Variants in SMYD2 observed in about 807,000 individuals in gnomAD.
SMYD2 encodes SET and MYND domain containing 2, also known as N-lysine methyltransferase SMYD2.
Under a neutral mutation model 59.1 loss-of-function variants are expected in SMYD2, and 53 were observed. The ratio of observed to expected loss-of-function variants is 0.90; its 90% confidence interval spans 0.72 to 1.13. The LOEUF (loss-of-function observed/expected upper bound fraction) is 1.13, where lower values mean the gene tolerates loss of function less well. Ranked by LOEUF, SMYD2 falls within the 50% of genes most tolerant of loss-of-function variation. SMYD2 has a pLI of 0.00. For synonymous variants in SMYD2, 208 were observed against 198.8 expected (o/e 1.05, Z -0.39); for missense variants, 494 against 544.7 (o/e 0.91, Z 0.93).
intron 1 of SMYD2, among the ~76,000 whole-genome samples, chr1:214,301,661 GTGT>G (rs1335127911): frequency 2.0e-5 from 3 of 150,982 alleles, no homozygotes; most frequent in Non-Finnish European, 4.4e-5. Flanking sequence ...TTGGCAACAA[GTGT>G]TGTTTTCCTG....
intron 1 of SMYD2, among the ~76,000 whole-genome samples, chr1:214,304,558 C>CAAAAA (rs56254326): frequency 0.033 from 1,604 of 47,942 alleles, 358 homozygotes; most frequent in African/African-American, 0.086. Flanking sequence ...GACCCTATCT[C>CAAAAA]AAAAAAAAAA....
intron 5 of SMYD2, among the ~76,000 whole-genome samples, chr1:214,320,018 G>A (rs1377002301): frequency 6.6e-6 from 1 of 152,076 alleles, no homozygotes; most frequent in Non-Finnish European, 1.5e-5. Flanking sequence ...GTTTATTGTA[G>A]GATTCTTTTA....
At chr1:214,326,361 AC>A (rs1657262108) in intron 6 of SMYD2, among the ~76,000 whole-genome samples, 2 of 151,974 alleles carry the variant, frequency 1.3e-5, no homozygotes, top group African/African-American at 4.8e-5. Context: ...CATTTCCCCC[AC>A]CTTCATTAAA....
At position 214,305,000 on chromosome 1, in the gene SMYD2, T is replaced by C. The variant is rs1313682859; in HGVS notation, c.174-187T>C. On this transcript the variant is annotated intron_variant, in intron 1 of 11. Coordinates refer to ENST00000366957, the MANE Select transcript of SMYD2 (RefSeq NM_020197.3). ...AATGTGAGTGCATGCACTATTTGAC[T>C]CACTCACTCCTCAAGGGCTGAATCT... is the stretch of plus-strand genomic sequence containing the variant. Among the ~76,000 whole-genome samples the C allele has an allele frequency of 2.0e-5, 3 of 152,168 alleles. No individual in the cohort carries two copies. The East Asian group carries it at 5.8e-4, about 29-fold the overall frequency.
intron 1 of SMYD2, among the ~76,000 whole-genome samples, chr1:214,300,726 A>G (rs1656810149): frequency 6.6e-6 from 1 of 152,238 alleles, no homozygotes. Context: ...AAATGTGTGA[A>G]TTCCAATTCT....
In SMYD2 at chr1:214,319,112, C is replaced by G. The variant is rs1054937060; in HGVS notation, c.534+129C>G. 6 of 1,231,098 alleles carry G rather than the reference C, an allele frequency of 4.9e-6. No homozygotes were observed. The African/African-American group carries it at 9.0e-5, about 19-fold the overall frequency. The allele number at this position is 1,231,098 out of a possible 1,614,324, so 76.3% of individuals were successfully genotyped here. The stretch of plus-strand genomic sequence containing the variant: ...ATCTTCCTGACAACGAAGCTCTGAG[C>G]CAATTGGACCGTGTGTTGCCATAGC... On this transcript the variant is annotated intron_variant, in intron 5 of 11. Coordinates refer to ENST00000366957, the MANE Select transcript of SMYD2 (RefSeq NM_020197.3).
At chr1:214,311,008 T>C (rs1378468909) in intron 2 of SMYD2, among the ~76,000 whole-genome samples, 5 of 152,238 alleles carry the variant, frequency 3.3e-5, no homozygotes, top group African/African-American at 1.2e-4. Context: ...ACGTTATTAC[T>C]GTGGTAAATT....
intron 1 of SMYD2, among the ~76,000 whole-genome samples, chr1:214,284,805 C>G (rs943447934): frequency 6.6e-6 from 1 of 152,172 alleles, no homozygotes; most frequent in Non-Finnish European, 1.5e-5. Context: ...CGTGAGCCAC[C>G]GTGCCTGGCC....
intron 11 of SMYD2, among the ~76,000 whole-genome samples, chr1:214,335,344 T>G (rs548488340): frequency 6.6e-6 from 1 of 152,342 alleles, no homozygotes; most frequent in African/African-American, 2.4e-5. Context: ...GGGTCACAAC[T>G]GCAAAGTGTG....
intron 1 of SMYD2, among the ~76,000 whole-genome samples, chr1:214,296,968 A>G (rs1656739353): frequency 6.6e-6 from 1 of 152,246 alleles, no homozygotes; most frequent in African/African-American, 2.4e-5. Flanking sequence ...GTTCATCATC[A>G]AGGTAGTTAA....
At chr1:214,320,013 T>C (rs1228298370) in intron 5 of SMYD2, among the ~76,000 whole-genome samples, 1 of 152,124 alleles carries the variant, frequency 6.6e-6, no homozygotes, top group East Asian at 1.9e-4. Context: ...AAATTGTTTA[T>C]TGTAGGATTC....
At chr1:214,334,082 G>A in intron 10 of SMYD2, 118 bp from the exon 11 acceptor site, 2 of 803,510 alleles carry the variant, frequency 2.5e-6, no homozygotes, top group Non-Finnish European at 2.1e-6. Context: ...ATTTGGAGAG[G>A]CCGCTGGTGG....
chr1:214,281,708 A>C (rs943360299), intron 1 of SMYD2, among the ~76,000 whole-genome samples: 1 of 152,228 alleles, frequency 6.6e-6, no homozygotes, highest in African/African-American at 2.4e-5. Flanking sequence ...CCGGGCGTGC[A>C]GGTTCCTGCC....
intron 1 of SMYD2, among the ~76,000 whole-genome samples, chr1:214,289,122 A>C (rs1175188508): frequency 6.6e-6 from 1 of 152,026 alleles, no homozygotes; most frequent in African/African-American, 2.4e-5. Flanking sequence ...AAATATGTTA[A>C]ATTTCTTTGA....
chr1:214,320,842 A>G (rs966608110), intron 5 of SMYD2, among the ~76,000 whole-genome samples: 3 of 152,212 alleles, frequency 2.0e-5, no homozygotes, highest in Admixed American at 6.5e-5. Flanking sequence ...AGACCTTTCT[A>G]ATTTTCATAT....
At chr1:214,321,584 G>T (rs1291034745) in intron 5 of SMYD2, among the ~76,000 whole-genome samples, 2 of 152,202 alleles carry the variant, frequency 1.3e-5, no homozygotes, top group Non-Finnish European at 2.9e-5. Flanking sequence ...TCCATGGGAG[G>T]CTGTTGTGGG....
chr1:214,296,400 T>G (rs2102457921), intron 1 of SMYD2, among the ~76,000 whole-genome samples: 1 of 152,346 alleles, frequency 6.6e-6, no homozygotes, highest in African/African-American at 2.4e-5. Flanking sequence ...TGGATAGAAC[T>G]ATTTCTTAAG....
chr1:214,318,781 A>G lies in SMYD2; in HGVS notation c.410-78A>G. On this transcript the variant is annotated intron_variant, in intron 4 of 11. Coordinates refer to ENST00000366957, the MANE Select transcript of SMYD2 (RefSeq NM_020197.3). This position sits in a 1 kb window ranked among gnomAD's most constrained non-coding sequence, Gnocchi z 5.4. ...TTTTTCGCCCGTTCCTTTCCTCTGT[A>G]TCATTTACAGCAAAAATAGGATGTA... 2 of 1,517,552 alleles carry G rather than the reference A, an allele frequency of 1.3e-6. No individual in the cohort carries two copies. Among genetic ancestry groups the G allele is most frequent in the Admixed American group, 3.7e-5 (2 of 54,784 alleles). The allele number at this position is 1,517,552 out of a possible 1,614,324, so 94.0% of individuals were successfully genotyped here. A position where few individuals can be genotyped will look rare whatever the true frequency, so the allele number is the denominator to read the frequency against.
intron 6 of SMYD2, 52 bp from the exon 7 acceptor site, chr1:214,327,550 GTAAGTAGTGAAGGAAGCTAA>G: frequency 8.3e-7 from 1 of 1,207,482 alleles, no homozygotes; most frequent in Non-Finnish European, 1.2e-6. Flanking sequence ...GACTTAGCAA[GTAAGTAGTGAAGGAAGCTAA>G]ACAGTCTGCC....
Sources: gnomAD v4.1 joint callset for allele counts (sites outside exome capture counted in the v4.1 genomes callset) on GRCh38, gnomAD v4.1.1 for gene constraint, Gnocchi (gnomAD v3.1) non-coding constraint, MANE v1.5 for transcripts, NCBI Gene and HGNC (gene_info 2026-07-23, HGNC 2026-07-21) for gene names.